MYO5B: variants seen among roughly 807,000 people sequenced by gnomAD.
MYO5B encodes the protein myosin VB.
In MYO5B, 143 loss-of-function variants were observed where a neutral mutation model predicts 229.3. That is an observed-to-expected ratio of 0.62 (90% CI 0.54 to 0.72). The LOEUF (loss-of-function observed/expected upper bound fraction) is 0.72. Ranked by LOEUF, MYO5B falls within the 30% of genes least tolerant of loss-of-function variation. MYO5B has a pLI of 0.00. For synonymous variants in MYO5B, 918 were observed against 885.2 expected (o/e 1.04, Z -0.66); for missense variants, 2,321 against 2,331.0 (o/e 1.00, Z 0.09).
intron 1 of MYO5B, among the ~76,000 whole-genome samples, chr18:50,146,319 C>T (rs1265806179): frequency 6.6e-6 from 1 of 152,204 alleles, no homozygotes; most frequent in Non-Finnish European, 1.5e-5. Context: ...GAGTCTTATC[C>T]AACTGGAAGG....
rs555128545 is a variant in MYO5B, at chr18:50,039,478, C to T, written c.310+665G>A. Among the ~76,000 whole-genome samples, 7 of 152,010 alleles carry T rather than the reference C, an allele frequency of 4.6e-5. No individual in the cohort carries two copies. In the South Asian group the frequency reaches 1.2e-3, roughly 27 times the overall value. On this transcript the variant is annotated intron_variant, in intron 3 of 39. Transcript: ENST00000285039. ...TCCCGAGTAGCTGGGACTACAGGCG[C>T]CCGCCACCACACCCGGCTAATTTTT... is the stretch of plus-strand genomic sequence containing the variant.
intron 29 of MYO5B, among the ~76,000 whole-genome samples, chr18:49,860,722 A>T (rs1234011792): frequency 1.3e-5 from 2 of 152,252 alleles, no homozygotes; most frequent in Non-Finnish European, 2.9e-5. Context: ...AATTCAGCAT[A>T]TGAGTGTAAC....
chr18:49,945,405 A>T (rs200342838), intron 14 of MYO5B, among the ~76,000 whole-genome samples: 1 of 151,510 alleles, frequency 6.6e-6, no homozygotes, highest in East Asian at 1.9e-4. Flanking sequence ...TACTTCCTAT[A>T]TCTCAATCAA....
intron 36 of MYO5B, 36 bp from the exon 37 acceptor site, chr18:49,837,838 C>G: frequency 6.2e-7 from 1 of 1,610,360 alleles, no homozygotes; most frequent in South Asian, 1.1e-5. Flanking sequence ...GCTTGCATTC[C>G]CCACTAACAA....
At chr18:49,977,463 C>T (rs185019446) in intron 9 of MYO5B, among the ~76,000 whole-genome samples, 2 of 151,920 alleles carry the variant, frequency 1.3e-5, no homozygotes, top group African/African-American at 2.4e-5. Flanking sequence ...TCCTATGTGC[C>T]CGAGGAATAA....
At position 49,826,286 on chromosome 18, in the gene MYO5B, C is replaced by A. The variant is rs2023843507; in HGVS notation, c.*185G>T. ...ATATTTCAAGTGTTTTTATTCTGAGCAGTAGGTACAAAAAATAATGACATA... is the reference window on the plus strand; with the variant it reads ...ATATTTCAAGTGTTTTTATTCTGAGAAGTAGGTACAAAAAATAATGACATA... On this transcript the variant is annotated 3_prime_UTR_variant, in exon 40 of 40. Transcript: ENST00000285039. 5.8e-6 allele frequency: 4 copies of A among 695,150 alleles called. No individual in the cohort carries two copies. The highest frequency in any genetic ancestry group is 1.8e-5 in the African/African-American group (1 of 55,832). The allele number at this position is 695,150 out of a possible 1,614,324, so 43.1% of individuals were successfully genotyped here.
intron 27 of MYO5B, among the ~76,000 whole-genome samples, chr18:49,868,567 C>G (rs2024423210): frequency 6.6e-6 from 1 of 152,250 alleles, no homozygotes; most frequent in Admixed American, 6.5e-5. Flanking sequence ...TAAGCAGGGT[C>G]TGTCTGCCCA....
intron 1 of MYO5B, among the ~76,000 whole-genome samples, chr18:50,178,500 C>A (rs914013184): frequency 6.6e-6 from 1 of 152,234 alleles, no homozygotes; most frequent in African/African-American, 2.4e-5. Context: ...AGTGCAACAA[C>A]TGACCCCCTA....
chr18:49,856,986 T>A, intron 29 of MYO5B, 96 bp from the exon 30 acceptor site: 1 of 1,108,434 alleles, frequency 9.0e-7, no homozygotes, highest in African/African-American at 1.5e-5. Context: ...TAGCCAAGGT[T>A]TGGAAACGAA....
chr18:50,065,537 A>G (rs2030798593), intron 1 of MYO5B, among the ~76,000 whole-genome samples: 1 of 152,068 alleles, frequency 6.6e-6, no homozygotes, highest in Non-Finnish European at 1.5e-5. Flanking sequence ...TCTCATGATA[A>G]CTCACTCACT....
chr18:50,183,062 A>T (rs945938127), intron 1 of MYO5B, among the ~76,000 whole-genome samples: 1 of 152,130 alleles, frequency 6.6e-6, no homozygotes, highest in African/African-American at 2.4e-5. Context: ...CTATGACCTC[A>T]AAGCTTTTGA....
At chr18:49,867,523 T>G (rs1390305284) in intron 27 of MYO5B, among the ~76,000 whole-genome samples, 1 of 152,152 alleles carries the variant, frequency 6.6e-6, no homozygotes, top group Non-Finnish European at 1.5e-5. Context: ...TGCTTCCGAT[T>G]TCCTGTCCCT....
At chr18:50,025,642 T>A (rs1285475218) in intron 4 of MYO5B, among the ~76,000 whole-genome samples, 7 of 152,254 alleles carry the variant, frequency 4.6e-5, no homozygotes, top group Admixed American at 4.6e-4. Context: ...AGTGCAGTGC[T>A]CTTTAACCCA....
chr18:50,116,619 C>T (rs147625982), intron 1 of MYO5B, among the ~76,000 whole-genome samples: 194 of 152,100 alleles, frequency 1.3e-3, no homozygotes, highest in African/African-American at 3.8e-3. Flanking sequence ...TGAATAAGGC[C>T]GTTCCTAACC....
chr18:49,901,158 G>A (rs1037239826), intron 21 of MYO5B, among the ~76,000 whole-genome samples: 2 of 152,210 alleles, frequency 1.3e-5, no homozygotes, highest in African/African-American at 2.4e-5. Context: ...GTTGGCATGC[G>A]ATTTCCTCCC....
At chr18:49,906,059 A>G (rs1722073489) in intron 19 of MYO5B, among the ~76,000 whole-genome samples, 1 of 152,182 alleles carries the variant, frequency 6.6e-6, no homozygotes, top group Admixed American at 6.5e-5. Context: ...GAGGCCAAGC[A>G]CAGGTTAACT....
intron 1 of MYO5B, among the ~76,000 whole-genome samples, chr18:50,154,524 A>G (rs541413461): frequency 6.6e-6 from 1 of 152,350 alleles, no homozygotes; most frequent in South Asian, 2.1e-4. Context: ...TTCAAAGAGC[A>G]TGGGCAAAGT....
intron 1 of MYO5B, among the ~76,000 whole-genome samples, chr18:50,152,879 A>G (rs1223819259): frequency 6.6e-6 from 1 of 152,018 alleles, no homozygotes; most frequent in Non-Finnish European, 1.5e-5. Flanking sequence ...AAAAAAAAAA[A>G]AAAAAAATCA....
intron 5 of MYO5B, among the ~76,000 whole-genome samples, chr18:49,999,493 C>T (rs186118763): frequency 4.5e-4 from 68 of 152,284 alleles, no homozygotes; most frequent in Non-Finnish European, 9.0e-4. Context: ...ATGGTAAAGC[C>T]ATTTATTAAT....
Sources: allele counts gnomAD v4.1 joint callset (sites outside exome capture counted in the v4.1 genomes callset), GRCh38; gene constraint gnomAD v4.1.1; transcripts MANE v1.5; gene names NCBI Gene and HGNC (gene_info 2026-07-23, HGNC 2026-07-21).